Variants in ZNRF2 observed in about 807,000 individuals in gnomAD.
The protein encoded by ZNRF2 is zinc and ring finger 2.
ZNRF2 carries 16 observed loss-of-function variants against 20.4 expected under a neutral mutation model. The ratio of observed to expected loss-of-function variants is 0.79; its 90% confidence interval spans 0.53 to 1.19. ZNRF2 has a LOEUF of 1.19. Among genes scored for constraint, ZNRF2 ranks in the 50% most tolerant of loss-of-function variants. ZNRF2 has a pLI of 0.00. For synonymous variants in ZNRF2, 178 were observed against 144.9 expected (o/e 1.23, Z -1.64); for missense variants, 363 against 332.4 (o/e 1.09, Z -0.72).
chr7:30,337,993 C>T (rs1799741780), intron 2 of ZNRF2, among the ~76,000 whole-genome samples: 1 of 152,122 alleles, frequency 6.6e-6, no homozygotes, highest in African/African-American at 2.4e-5. Flanking sequence ...CTGTGATACC[C>T]TGCTGTACAC....
At chr7:30,332,922 T>G (rs1286688600) in intron 2 of ZNRF2, among the ~76,000 whole-genome samples, 4 of 152,154 alleles carry the variant, frequency 2.6e-5, no homozygotes, top group African/African-American at 9.7e-5. Flanking sequence ...GGTTGAATGG[T>G]AGTACTGGTT....
At chr7:30,361,800 G>A (rs2127958068) in intron 3 of ZNRF2, among the ~76,000 whole-genome samples, 1 of 152,156 alleles carries the variant, frequency 6.6e-6, no homozygotes, top group Non-Finnish European at 1.5e-5. Flanking sequence ...CCACAATGAC[G>A]ATGATCATAT....
intron 2 of ZNRF2, among the ~76,000 whole-genome samples, chr7:30,328,570 C>G (rs1224440018): frequency 6.6e-6 from 1 of 152,150 alleles, no homozygotes; most frequent in East Asian, 1.9e-4. Context: ...TATAGATAAG[C>G]TCCTGAATTG....
At chr7:30,295,012 A>ATGG in intron 1 of ZNRF2, among the ~76,000 whole-genome samples, 1 of 89,908 alleles carries the variant, frequency 1.1e-5, no homozygotes, top group Admixed American at 1.2e-4. Flanking sequence ...AGAGGGAGGG[A>ATGG]AGGAGAGAGA....
In ZNRF2 at chr7:30,285,496, G is replaced by A. The variant is rs1236109641; in HGVS notation, c.139G>A (p.Gly47Arg). Residue 47 changes from glycine to arginine, a missense_variant, in exon 1 of 5, where the codon GGG (glycine) becomes AGG (arginine). Physicochemically the swap from Gly to Arg is moderately radical, Grantham distance 125 (BLOSUM62 -2). Transcript: ENST00000323037. ...GGGGARAAAA[G>R]RFPAQVPSAH... ...CGGGGGCGCTCGGGCCGCCGCCGCG[G>A]GGAGGTTCCCGGCTCAGGTGCCCAG... 4 of 1,069,612 alleles carry A rather than the reference G, an allele frequency of 3.7e-6. No homozygotes were observed. In the South Asian group the frequency reaches 1.2e-4, roughly 31 times the overall value. The allele number at this position is 1,069,612 out of a possible 1,614,324, so 66.3% of individuals were successfully genotyped here. A position where few individuals can be genotyped will look rare whatever the true frequency, so the allele number is the denominator to read the frequency against.
chr7:30,357,584 T>C (rs1800060626), intron 3 of ZNRF2, among the ~76,000 whole-genome samples: 1 of 151,558 alleles, frequency 6.6e-6, no homozygotes, highest in Non-Finnish European at 1.5e-5. Flanking sequence ...TAGAAAAAAA[T>C]AGTGAAGATC....
At chr7:30,322,569 G>T (rs1386838708) in intron 1 of ZNRF2, among the ~76,000 whole-genome samples, 1 of 152,078 alleles carries the variant, frequency 6.6e-6, no homozygotes, top group Non-Finnish European at 1.5e-5. Flanking sequence ...GAGCCGTCAT[G>T]GACACCACTG....
intron 1 of ZNRF2, among the ~76,000 whole-genome samples, chr7:30,290,489 T>A (rs1400797929): frequency 6.6e-6 from 1 of 152,250 alleles, no homozygotes; most frequent in Non-Finnish European, 1.5e-5. Context: ...GGTTATTGGC[T>A]GAATTTATTT....
chr7:30,321,355 C>G (rs1799466525), intron 1 of ZNRF2, among the ~76,000 whole-genome samples: 2 of 152,026 alleles, frequency 1.3e-5, no homozygotes, highest in Non-Finnish European at 2.9e-5. Context: ...CTTGTGCAGA[C>G]ACTCAGGATC....
At chr7:30,299,068 C>T (rs1799064336) in intron 1 of ZNRF2, among the ~76,000 whole-genome samples, 1 of 152,212 alleles carries the variant, frequency 6.6e-6, no homozygotes, top group Non-Finnish European at 1.5e-5. Context: ...TGAATGTGTA[C>T]AACTAGTTAT....
At chr7:30,313,432 G>A (rs1001915884) in intron 1 of ZNRF2, among the ~76,000 whole-genome samples, 4 of 152,010 alleles carry the variant, frequency 2.6e-5, no homozygotes, top group Non-Finnish European at 4.4e-5. Context: ...AGTTAGTGTC[G>A]GGTAAGAAGC....
At chr7:30,358,356 TAA>T (rs993092785) in intron 3 of ZNRF2, among the ~76,000 whole-genome samples, 4 of 152,292 alleles carry the variant, frequency 2.6e-5, no homozygotes, top group South Asian at 2.1e-4. Context: ...TTAAATTTTA[TAA>T]AAGATATGTA....
At chr7:30,351,458 G>A (rs989486516) in intron 2 of ZNRF2, among the ~76,000 whole-genome samples, 10 of 151,948 alleles carry the variant, frequency 6.6e-5, no homozygotes, top group African/African-American at 1.4e-4. Context: ...TTGTAAGGTC[G>A]TTTCAGTTAT....
intron 1 of ZNRF2, among the ~76,000 whole-genome samples, chr7:30,291,690 T>C (rs1167663212): frequency 6.6e-6 from 1 of 152,222 alleles, no homozygotes; most frequent in Non-Finnish European, 1.5e-5. Context: ...TACAGGATTT[T>C]CATCTGGATA....
At chr7:30,344,243 T>C (rs147025560) in intron 2 of ZNRF2, among the ~76,000 whole-genome samples, 16 of 151,768 alleles carry the variant, frequency 1.1e-4, no homozygotes, top group African/African-American at 3.6e-4. Context: ...TTCTTTTTTT[T>C]TTTTTAATTA....
At position 30,335,732 on chromosome 7, in the gene ZNRF2, A is replaced by G. The variant is rs554193838; in HGVS notation, c.565+11995A>G. Among the ~76,000 whole-genome samples, 11 of 152,328 alleles carry G rather than the reference A, an allele frequency of 7.2e-5. No homozygotes were observed. The East Asian group carries it at 1.7e-3, about 24-fold the overall frequency. ...AAAATTGAAGGCAGAAAGATAAATT[A>G]TAGCTGTGTGATGAAATTCTTTTAT... On this transcript the variant is annotated intron_variant, in intron 2 of 4. Coordinates refer to ENST00000323037, the MANE Select transcript of ZNRF2 (RefSeq NM_147128.4).
At chr7:30,332,920 G>A (rs979980629) in intron 2 of ZNRF2, among the ~76,000 whole-genome samples, 6 of 152,106 alleles carry the variant, frequency 3.9e-5, no homozygotes, top group Non-Finnish European at 7.4e-5. Context: ...TGGGTTGAAT[G>A]GTAGTACTGG....
intron 1 of ZNRF2, among the ~76,000 whole-genome samples, chr7:30,302,576 T>C (rs1799135697): frequency 6.6e-6 from 1 of 151,906 alleles, no homozygotes; most frequent in Admixed American, 6.6e-5. Flanking sequence ...ACCAAATTAG[T>C]GTATATATGT....
chr7:30,289,368 A>G (rs1798853947), intron 1 of ZNRF2, among the ~76,000 whole-genome samples: 1 of 152,244 alleles, frequency 6.6e-6, no homozygotes, highest in South Asian at 2.1e-4. Context: ...GGTTATCTTC[A>G]TCAATTAACC....
Sources: gnomAD v4.1 joint callset for allele counts (sites outside exome capture counted in the v4.1 genomes callset) on GRCh38, gnomAD v4.1.1 for gene constraint, MANE v1.5 for transcripts, NCBI Gene and HGNC (gene_info 2026-07-23, HGNC 2026-07-21) for gene names.